Variants in CDH23 observed in about 807,000 individuals in gnomAD.
CDH23 encodes cadherin-23.
CDH23 carries 189 observed loss-of-function variants against 317.1 expected under a neutral mutation model. The observed-to-expected ratio is 0.60, with a 90% CI of 0.53 to 0.67. CDH23 has a LOEUF of 0.67. CDH23 is among the 30% of genes least tolerant of loss of function. The probability of loss-of-function intolerance (pLI) is 0.00; values close to 1 mark genes in which losing one functional copy is unlikely to be tolerated. For synonymous variants in CDH23, 1,839 were observed against 1,876.8 expected (o/e 0.98, Z 0.52); for missense variants, 4,401 against 4,592.4 (o/e 0.96, Z 1.20).
At chr10:71,431,771 C>T (rs142270010) in intron 1 of CDH23, among the ~76,000 whole-genome samples, 1 of 152,200 alleles carries the variant, frequency 6.6e-6, no homozygotes, top group African/African-American at 2.4e-5. Flanking sequence ...CATGTCCCCC[C>T]CTGCCTGCTA....
intron 6 of CDH23, among the ~76,000 whole-genome samples, chr10:71,533,556 CA>C (rs759804316): frequency 0.036 from 5,429 of 151,544 alleles, 130 homozygotes; most frequent in Middle Eastern, 0.075. Flanking sequence ...CACACACACA[CA>C]CACACACACA....
intron 6 of CDH23, among the ~76,000 whole-genome samples, chr10:71,565,475 G>C (rs1857346516): frequency 6.6e-6 from 1 of 152,156 alleles, no homozygotes; most frequent in Non-Finnish European, 1.5e-5. Context: ...AGAGAGCCTG[G>C]AGATGCAATC....
Position 71,791,259 on chromosome 10 carries a change from C to G in CDH23, c.6177C>G (p.Ile2059Met). Residue 2059 changes from isoleucine (I) to methionine (M), a missense_variant, in exon 47 of 70, where the codon ATC becomes ATG. Around this residue, in one of 3 missense-constraint regions of CDH23, gnomAD observed 3,068 missense variants for 3,203.3 expected, o/e 0.96. Coordinates refer to ENST00000224721, the MANE Select transcript of CDH23 (RefSeq NM_022124.6). ...LNSTAHLLIT[I>M]LDDNDNRPTF... ...GCACGGCCCACCTGCTCATCACCAT[C>G]CTGGATGACAATGACAACCGGCCCA... The G allele has an allele frequency of 6.2e-7, 1 of 1,613,996 alleles. No individual in the cohort carries two copies. The highest frequency in any genetic ancestry group is 1.1e-5 in the South Asian group (1 of 91,056).
At chr10:71,505,698 T>C (rs1013548390) in intron 3 of CDH23, among the ~76,000 whole-genome samples, 2 of 152,204 alleles carry the variant, frequency 1.3e-5, no homozygotes, top group African/African-American at 4.8e-5. Context: ...CATCTCTCTA[T>C]CATAAGAGGG....
At chr10:71,492,737 GC>G (rs61112970) in intron 3 of CDH23, among the ~76,000 whole-genome samples, 3,449 of 152,320 alleles carry the variant, frequency 0.023, 129 homozygotes, top group African/African-American at 0.079. Context: ...CAGAGTTCCT[GC>G]CTTCAGGGCG....
chr10:71,799,443 T>C (rs1177989371), intron 51 of CDH23, 49 bp from the exon 52 acceptor site: 1 of 1,613,292 alleles, frequency 6.2e-7, no homozygotes, highest in East Asian at 2.2e-5. Context: ...GTGCTCGGGC[T>C]CTGGGACTGA....
chr10:71,446,957 A>G (rs1850200346), intron 3 of CDH23, among the ~76,000 whole-genome samples: 1 of 152,132 alleles, frequency 6.6e-6, no homozygotes, highest in Non-Finnish European at 1.5e-5. Context: ...CTGAGGCTGA[A>G]TTGCAGGAGC....
chr10:71,570,708 G>T (rs548075047), intron 7 of CDH23, 82 bp from the exon 8 acceptor site: 12 of 1,494,572 alleles, frequency 8.0e-6, no homozygotes, highest in Non-Finnish European at 1.0e-5. Flanking sequence ...CACGGTGCAG[G>T]TCTGTGTGTG....
rs568924674 is a variant in CDH23, at chr10:71,732,186, C to T, written c.3915C>T (p.Asn1305=). The T allele has an allele frequency of 3.2e-5, 52 of 1,613,784 alleles. No homozygotes were observed. The highest frequency in any genetic ancestry group is 5.5e-5 in the South Asian group (5 of 91,060). The change falls in exon 32 of 70, where the codon AAC becomes AAT. Residue 1305 remains asparagine (N), a synonymous_variant. Transcript: ENST00000224721. ...GFCSVYITLL[N]ELDEAVQFSN... ...GCAGCGTCTACATCACTCTGCTCAA[C>T]GAGCTGGACGAGGCCGTGCAGTTCT...
chr10:71,486,759 T>A (rs946570770), intron 3 of CDH23, among the ~76,000 whole-genome samples: 1 of 151,926 alleles, frequency 6.6e-6, no homozygotes, highest in African/African-American at 2.4e-5. Flanking sequence ...TAGGCCAGGG[T>A]CTCTAGAGAC....
intron 6 of CDH23, among the ~76,000 whole-genome samples, chr10:71,518,198 A>G (rs1398854158): frequency 1.3e-5 from 2 of 152,194 alleles, no homozygotes; most frequent in African/African-American, 4.8e-5. Context: ...CATTTTATAT[A>G]TAAGAAACTG....
At position 71,397,753 on chromosome 10, in the gene CDH23, G is replaced by A. The variant is rs1181306807; in HGVS notation, c.-6+435G>A. Reference sequence around the variant, plus strand: ...GCCCTGGGTCCCCATTTGGACAGTGGGGATGGGGTGGGGCGCACCCCTACT... The same window carrying A: ...GCCCTGGGTCCCCATTTGGACAGTGAGGATGGGGTGGGGCGCACCCCTACT... On this transcript the variant is annotated intron_variant, in intron 1 of 69. Coordinates refer to ENST00000224721, the MANE Select transcript of CDH23 (RefSeq NM_022124.6). This position sits in a 1 kb window ranked among gnomAD's most constrained non-coding sequence, Gnocchi z 4.8. 6.6e-6 allele frequency among the ~76,000 whole-genome samples: 1 copy of A among 152,104 alleles called. No individual in the cohort carries two copies. Among genetic ancestry groups the A allele is most frequent in the East Asian group, 1.9e-4 (1 of 5,164 alleles).
chr10:71,538,677 T>A (rs974347511), intron 6 of CDH23, among the ~76,000 whole-genome samples: 10 of 152,218 alleles, frequency 6.6e-5, no homozygotes, highest in South Asian at 2.1e-4. Context: ...AACTGCCTTG[T>A]CCATGGATAC....
chr10:71,751,941 C>T lies in CDH23; in HGVS notation c.4845+10020C>T. 3.6e-6 allele frequency: 5 copies of T among 1,400,864 alleles called. No individual in the cohort carries two copies. The highest frequency in any genetic ancestry group is 4.9e-6 in the Non-Finnish European group (5 of 1,022,088). The allele number at this position is 1,400,864 out of a possible 1,614,324, so 86.8% of individuals were successfully genotyped here. ...CCCTCCCTGCCCCCAGTTTTTCTCT[C>T]CTCCCTTTCTCTCACCTACATCCCC... On this transcript the variant is annotated intron_variant, in intron 38 of 69. Coordinates refer to ENST00000224721, the MANE Select transcript of CDH23 (RefSeq NM_022124.6). The surrounding 1 kb of genome is among the most constrained non-coding windows in gnomAD (Gnocchi z 4.9).
At chr10:71,449,466 T>A (rs1369853522) in intron 3 of CDH23, among the ~76,000 whole-genome samples, 1 of 152,198 alleles carries the variant, frequency 6.6e-6, no homozygotes, top group Non-Finnish European at 1.5e-5. Flanking sequence ...TCCCTGGAAC[T>A]ACCCATTGGG....
chr10:71,497,057 C>A (rs1224744548), intron 3 of CDH23, among the ~76,000 whole-genome samples: 1 of 152,100 alleles, frequency 6.6e-6, no homozygotes, highest in African/African-American at 2.4e-5. Context: ...CATTCTTGAG[C>A]TATGGGGAGG....
chr10:71,807,747 C>T lies in CDH23; in HGVS notation c.8540C>T (p.Thr2847Ile), dbSNP rs1269210470. Residue 2847 changes from threonine (T) to isoleucine (I), a missense_variant, in exon 59 of 70, where the codon ACC becomes ATC. Physicochemically the swap from Thr to Ile is moderately conservative, Grantham distance 89. Transcript: ENST00000224721. ...ATCAACGACCAGCCACCACGCTTCA[C>T]CAAGGCTGAGTACACTGCAGGTGCA... Reference protein sequence around the residue: ...EDINDQPPRFTKAEYTAGVAT... With the variant: ...EDINDQPPRFIKAEYTAGVAT... 6.2e-7 allele frequency: 1 copy of T among 1,605,346 alleles called. No homozygotes were observed. The highest frequency in any genetic ancestry group is 1.1e-5 in the South Asian group (1 of 89,672).
intron 1 of CDH23, among the ~76,000 whole-genome samples, chr10:71,436,817 G>T (rs537754728): frequency 6.6e-6 from 1 of 152,168 alleles, no homozygotes. Context: ...ATAACATCTG[G>T]TTTGGAATGG....
At chr10:71,663,322 C>T (rs144205287) in intron 14 of CDH23, among the ~76,000 whole-genome samples, 44 of 152,320 alleles carry the variant, frequency 2.9e-4, no homozygotes, top group African/African-American at 9.6e-4. Context: ...TGCCCCGACC[C>T]GTCTCTGAAC....
Sources: allele counts gnomAD v4.1 joint callset (sites outside exome capture counted in the v4.1 genomes callset), GRCh38; gene constraint gnomAD v4.1.1; regional missense constraint gnomAD v4.1.1; non-coding constraint Gnocchi (gnomAD v3.1); transcripts MANE v1.5; gene names NCBI Gene and HGNC (gene_info 2026-07-23, HGNC 2026-07-21).